Variants in MSANTD3 observed in about 807,000 individuals in gnomAD.
MSANTD3 encodes the protein Myb/SANT DNA binding domain containing 3.
MSANTD3 carries 11 observed loss-of-function variants against 27.7 expected under a neutral mutation model. The ratio of observed to expected loss-of-function variants is 0.40; its 90% CI spans 0.25 to 0.66. MSANTD3 has a LOEUF of 0.66. Ranked by LOEUF, MSANTD3 falls within the 30% of genes least tolerant of loss-of-function variation. MSANTD3 has a pLI of 0.41. For synonymous variants in MSANTD3, 131 were observed against 127.2 expected (o/e 1.03, Z -0.20); for missense variants, 250 against 336.5 (o/e 0.74, Z 2.01).
At chr9:100,430,733 T>C (rs1836356514) in intron 1 of MSANTD3, among the ~76,000 whole-genome samples, 2 of 152,192 alleles carry the variant, frequency 1.3e-5, no homozygotes, top group African/African-American at 4.8e-5. Context: ...ATAGGTCTTG[T>C]TAATTAGTTG....
chr9:100,446,284 T>G (rs181762271), intron 2 of MSANTD3, among the ~76,000 whole-genome samples: 24 of 152,312 alleles, frequency 1.6e-4, no homozygotes, highest in African/African-American at 5.1e-4. Context: ...ACCAGAGGGC[T>G]GAGTTACACT....
chr9:100,440,505 C>T (rs1160393308), intron 1 of MSANTD3, among the ~76,000 whole-genome samples: 1 of 152,046 alleles, frequency 6.6e-6, no homozygotes, highest in Non-Finnish European at 1.5e-5. Context: ...TGAAGGATCA[C>T]AGACTCCAAC....
chr9:100,440,590 ATTTT>A (rs71370998), intron 1 of MSANTD3, among the ~76,000 whole-genome samples: 4 of 135,306 alleles, frequency 3.0e-5, no homozygotes, highest in Non-Finnish European at 3.2e-5. Flanking sequence ...AAAACGTCAA[ATTTT>A]TTTTTTTTTT....
intron 1 of MSANTD3, among the ~76,000 whole-genome samples, chr9:100,438,317 A>G (rs73655545): frequency 0.14 from 21,495 of 152,208 alleles, 1,736 homozygotes; most frequent in Middle Eastern, 0.2. Flanking sequence ...ACATTTTACA[A>G]GGACAAGTTG....
In MSANTD3 at chr9:100,450,816, A is replaced by G. The variant is rs1836867613; in HGVS notation, c.678A>G (p.Ile226Met). ...TGCATGTGGCCAAAATCCAGCAGAT[A>G]GAGCGAGAGTGTGAGATGGCAGAGG... ...NEVHVAKIQQIERECEMAEEE... is the reference protein window; with the variant it reads ...NEVHVAKIQQMERECEMAEEE... The change falls in exon 3 of 3, where the codon ATA becomes ATG. Residue 226 changes from isoleucine (I) to methionine (M), a missense_variant. Ile to Met is a conservative substitution (Grantham distance 10). This residue lies in a region of MSANTD3 where 235 missense variants were observed against 299.3 expected (regional missense o/e 0.79). Transcript: ENST00000395067. 2.2e-5 allele frequency: 36 copies of G among 1,614,216 alleles called. No individual in the cohort carries two copies. Among genetic ancestry groups the G allele is most frequent in the Non-Finnish European group, 2.8e-5 (33 of 1,180,040 alleles).
At chr9:100,435,855 T>A (rs1001399449) in intron 1 of MSANTD3, among the ~76,000 whole-genome samples, 1 of 152,226 alleles carries the variant, frequency 6.6e-6, no homozygotes, top group African/African-American at 2.4e-5. Flanking sequence ...CACTAGGGAA[T>A]TAGGGCTTCA....
At position 100,429,250 on chromosome 9, in the gene MSANTD3, A is replaced by T. The variant is rs566513401; in HGVS notation, c.-34+1857A>T. On this transcript the variant is annotated intron_variant, in intron 1 of 2. Coordinates refer to ENST00000395067, the MANE Select transcript of MSANTD3 (RefSeq NM_080655.3). ...AGGGAACATCATGCATACTTGGAAG[A>T]GCAATTGCTTTGGAGAGATAGACAG... Among the ~76,000 whole-genome samples the T allele has an allele frequency of 4.6e-5, 7 of 152,282 alleles. 1 individual carries two copies. The East Asian group carries it at 1.3e-3, about 29-fold the overall frequency.
intron 1 of MSANTD3, among the ~76,000 whole-genome samples, chr9:100,436,331 T>G (rs2118198502): frequency 6.6e-6 from 1 of 152,322 alleles, no homozygotes; most frequent in Middle Eastern, 3.4e-3. Context: ...TTTAGTGTAC[T>G]GTTTTGTCAT....
rs796101000 is a variant in MSANTD3, at chr9:100,431,002, C to CT, written c.-34+3620dup. On this transcript the variant is annotated intron_variant, in intron 1 of 2. Coordinates refer to ENST00000395067, the MANE Select transcript of MSANTD3 (RefSeq NM_080655.3). ...GCCACTTTATTCTTTTTCTTTTTTT[C>CT]TTTTTTTTTTTGTTTTTGAGATGGA... 6.7e-3 allele frequency among the ~76,000 whole-genome samples: 969 copies of CT among 145,136 alleles called. 4 individuals are homozygous for CT. Among genetic ancestry groups the CT allele is most frequent in the African/African-American group, 0.018 (715 of 39,792 alleles).
intron 1 of MSANTD3, among the ~76,000 whole-genome samples, chr9:100,437,340 G>C (rs185177495): frequency 8.7e-4 from 132 of 152,300 alleles, no homozygotes; most frequent in Non-Finnish European, 3.1e-4. Flanking sequence ...ACTTTGAGGA[G>C]GGGAATAGAG....
rs141560560 is a variant in MSANTD3 at position 100,442,078 on chromosome 9, G to A, written c.140G>A (p.Arg47His). 17 of 1,614,106 alleles carry A rather than the reference G, an allele frequency of 1.1e-5. No homozygotes were observed. The highest frequency in any genetic ancestry group is 1.4e-5 in the Non-Finnish European group (16 of 1,180,054). ...GCGCGAACTATTGCCCTTAAGCAGC[G>A]TACCTGGCAGGCGCTGGCCCACGAA... ...SDARTIALKQ[R>H]TWQALAHEYN... Residue 47 changes from arginine to histidine, a missense_variant, in exon 2 of 3, where the codon CGT becomes CAT. By Grantham distance (29) the Arg-to-His change is conservative. Transcript: ENST00000395067.
intron 1 of MSANTD3, among the ~76,000 whole-genome samples, chr9:100,431,624 A>T (rs1351359816): frequency 3.3e-5 from 5 of 149,728 alleles, no homozygotes; most frequent in African/African-American, 9.8e-5. Flanking sequence ...CTTTTTTTTT[A>T]AAACAAACAC....
At chr9:100,445,185 A>G (rs1196008417) in intron 2 of MSANTD3, 23 of 1,608,790 alleles carry the variant, frequency 1.4e-5, no homozygotes, top group Admixed American at 3.3e-5. Flanking sequence ...TTCAAGAAAG[A>G]AAAAGAAGCC....
At chr9:100,445,343 C>G in intron 2 of MSANTD3, 3 of 707,472 alleles carry the variant, frequency 4.2e-6, no homozygotes, top group Non-Finnish European at 7.3e-6. Context: ...CTGTCTAATA[C>G]AGTTGTCACA....
At chr9:100,449,339 C>G (rs1176910768) in intron 2 of MSANTD3, among the ~76,000 whole-genome samples, 1 of 152,168 alleles carries the variant, frequency 6.6e-6, no homozygotes, top group Admixed American at 6.5e-5. Flanking sequence ...TAAACATTTA[C>G]TAGGCATCCA....
chr9:100,440,778 CCCTTTT>C (rs1836598516), intron 1 of MSANTD3, among the ~76,000 whole-genome samples: 1 of 118,078 alleles, frequency 8.5e-6, no homozygotes, highest in Non-Finnish European at 1.7e-5. Flanking sequence ...TCTTTTTCTT[CCCTTTT>C]TTTTTTTTTT....
In MSANTD3 at chr9:100,442,253, C is replaced by T; in HGVS notation, c.315C>T (p.Val105=). 1 of 1,614,148 alleles carries T rather than the reference C, an allele frequency of 6.2e-7. No individual in the cohort carries two copies. The highest frequency in any genetic ancestry group is 8.5e-7 in the Non-Finnish European group (1 of 1,180,036). Reference sequence around the variant, plus strand: ...TCAGCCCTCTCCTGAGTACCCACGTCCTAGGGAAGGAGAAGATCGCCAGCA... The same window carrying T: ...TCAGCCCTCTCCTGAGTACCCACGTTCTAGGGAAGGAGAAGATCGCCAGCA... The part of the protein sequence containing the change: ...RSVSPLLSTH[V]LGKEKIASML... The change falls in exon 2 of 3, where the codon GTC becomes GTT. Residue 105 remains valine, a synonymous_variant. Transcript: ENST00000395067.
At chr9:100,439,920 G>C (rs757130577) in intron 1 of MSANTD3, among the ~76,000 whole-genome samples, 1 of 152,104 alleles carries the variant, frequency 6.6e-6, no homozygotes, top group Non-Finnish European at 1.5e-5. Context: ...CTTGGAGAAT[G>C]TAAGAAGGAC....
chr9:100,427,278 T>C lies in MSANTD3; in HGVS notation c.-149T>C, dbSNP rs183786527. On this transcript the variant is annotated 5_prime_UTR_variant, in exon 1 of 3. Coordinates refer to ENST00000395067, the MANE Select transcript of MSANTD3 (RefSeq NM_080655.3). Reference sequence around the variant, plus strand: ...CCGCCGCCGCCGCCGCCGCCCGGCGTTCGGGAGCCCGCGGCCCTCCCGGCC... The same window carrying C: ...CCGCCGCCGCCGCCGCCGCCCGGCGCTCGGGAGCCCGCGGCCCTCCCGGCC... The C allele has an allele frequency of 0.22, 31,341 of 144,422 alleles. 3,528 individuals carry two copies. Among genetic ancestry groups the C allele is most frequent in the South Asian group, 0.33 (1,586 of 4,754 alleles). 8.9% of individuals were successfully genotyped at this position (144,422 alleles called of 1,614,324 possible). A position where few individuals can be genotyped will look rare whatever the true frequency, so the allele number is the denominator to read the frequency against.
Sources: gnomAD v4.1 joint callset for allele counts (sites outside exome capture counted in the v4.1 genomes callset) on GRCh38, gnomAD v4.1.1 for gene constraint, gnomAD v4.1.1 regional missense constraint, MANE v1.5 for transcripts, NCBI Gene and HGNC (gene_info 2026-07-23, HGNC 2026-07-21) for gene names.